The following COP1 variants were observed in gnomAD, a reference collection of about 807,000 sequenced individuals.
The protein encoded by COP1 is COP1 E3 ubiquitin ligase, also known as E3 ubiquitin-protein ligase COP1.
COP1 carries 24 observed loss-of-function variants against 101.3 expected under a neutral mutation model. The ratio of observed to expected loss-of-function variants is 0.24; its 90% confidence interval spans 0.17 to 0.33. COP1 has a LOEUF of 0.33. Among genes scored for constraint, COP1 ranks in the 10% least tolerant of loss-of-function variants. The probability of loss-of-function intolerance (pLI) is 1.00; values close to 1 mark genes in which losing one functional copy is unlikely to be tolerated. For synonymous variants in COP1, 347 were observed against 341.9 expected, an observed-to-expected ratio of 1.01 and a Z score of -0.17; for missense variants, 663 against 906.2, an observed-to-expected ratio of 0.73 and a Z score of 3.45.
chr1:176,186,998 G>C (rs1019444988), intron 1 of COP1, among the ~76,000 whole-genome samples: 1 of 152,154 alleles, frequency 6.6e-6, no homozygotes, highest in Non-Finnish European at 1.5e-5. Context: ...CAGGGGTACA[G>C]TACGTGTCAT....
chr1:176,027,028 C>A (rs1348517460), intron 15 of COP1, among the ~76,000 whole-genome samples: 1 of 151,924 alleles, frequency 6.6e-6, no homozygotes, highest in Non-Finnish European at 1.5e-5. Flanking sequence ...CATATGGTCA[C>A]CCTAGTTAAG....
At chr1:176,056,136 G>C (rs1365427957) in intron 11 of COP1, among the ~76,000 whole-genome samples, 2 of 152,116 alleles carry the variant, frequency 1.3e-5, no homozygotes, top group Admixed American at 1.3e-4. Flanking sequence ...TGTAATAAAT[G>C]TTTGATCTTA....
chr1:176,148,855 G>A (rs1572526126), intron 6 of COP1, 151 bp downstream of exon 6: 1 of 541,884 alleles, frequency 1.8e-6, no homozygotes, highest in Non-Finnish European at 3.2e-6. Context: ...GAGAAAAGAA[G>A]TTAAAATAAC....
rs533971429 is a variant in COP1, at chr1:176,110,950, G to A, written c.1026+5674C>T. Among the ~76,000 whole-genome samples the A allele has an allele frequency of 1.5e-4, 23 of 152,160 alleles. 1 individual carries two copies. The South Asian group carries it at 4.8e-3, about 32-fold the overall frequency. ...ATGCAGATCATGAGATCAAGGGATC[G>A]AGACCATCCTGGCCAACATGGTGAA... is the stretch of plus-strand genomic sequence containing the variant. On this transcript the variant is annotated intron_variant, in intron 9 of 19. Coordinates refer to ENST00000367669, the MANE Select transcript of COP1 (RefSeq NM_022457.7).
At chr1:176,127,460 G>C (rs1688184594) in intron 8 of COP1, among the ~76,000 whole-genome samples, 1 of 151,876 alleles carries the variant, frequency 6.6e-6, no homozygotes, top group Non-Finnish European at 1.5e-5. Context: ...CTGTCTTTCT[G>C]TGCCTGTCTT....
intron 9 of COP1, chr1:176,100,245 C>T: frequency 8.1e-6 from 2 of 245,532 alleles, no homozygotes; most frequent in Non-Finnish European, 1.7e-5. Context: ...CAAAACTTAC[C>T]AGGTGTGGAG....
intron 18 of COP1, among the ~76,000 whole-genome samples, chr1:175,985,298 A>G (rs1051075157): frequency 1.2e-4 from 19 of 152,212 alleles, no homozygotes; most frequent in Middle Eastern, 6.8e-3. Flanking sequence ...CTCTTTTACT[A>G]TGTCTGTTTA....
intron 15 of COP1, among the ~76,000 whole-genome samples, chr1:176,004,784 G>A (rs1268442496): frequency 3.3e-5 from 5 of 150,658 alleles, no homozygotes; most frequent in Non-Finnish European, 7.4e-5. Context: ...TTGCATCAAT[G>A]TTCATCAAGG....
At chr1:176,071,504 T>C (rs1284728740) in intron 11 of COP1, among the ~76,000 whole-genome samples, 1 of 152,126 alleles carries the variant, frequency 6.6e-6, no homozygotes, top group African/African-American at 2.4e-5. Context: ...GCACTTAAAC[T>C]GTTTGACATG....
At chr1:175,984,437 T>G (rs549985980) in intron 18 of COP1, among the ~76,000 whole-genome samples, 2 of 152,308 alleles carry the variant, frequency 1.3e-5, no homozygotes, top group South Asian at 4.1e-4. Flanking sequence ...AGAGGATGTA[T>G]GGAAACGCCT....
At chr1:176,008,662 T>G (rs1664027937) in intron 15 of COP1, among the ~76,000 whole-genome samples, 1 of 152,138 alleles carries the variant, frequency 6.6e-6, no homozygotes, top group Non-Finnish European at 1.5e-5. Context: ...AGCAGACACT[T>G]TGGAAAATAC....
rs775592333 is a variant in COP1, at chr1:176,175,975, T to C, written c.500A>G (p.Asn167Ser). 3.8e-6 allele frequency: 6 copies of C among 1,590,684 alleles called. 1 individual carries two copies. Among genetic ancestry groups the C allele is most frequent in the Non-Finnish European group, 3.4e-6 (4 of 1,160,904 alleles). Residue 167 changes from asparagine to serine, a missense_variant, in exon 3 of 20, where the codon AAT becomes AGT. Coordinates refer to ENST00000367669, the MANE Select transcript of COP1 (RefSeq NM_022457.7). ...ATAGTTACACTTGGGACATCTATTA[T>C]TGTCCTCCAAACTCTGATGAATACA... ...YKCIHQSLEDNNRCPKCNYVV... is the reference protein window; with the variant it reads ...YKCIHQSLEDSNRCPKCNYVV...
At chr1:176,084,690 GA>G (rs139652200) in intron 10 of COP1, among the ~76,000 whole-genome samples, 6,332 of 152,178 alleles carry the variant, frequency 0.042, 152 homozygotes, top group Non-Finnish European at 0.047. Context: ...GTCTTCAGAG[GA>G]AAAATGCTTT....
At chr1:176,109,909 C>T (rs1684982254) in intron 9 of COP1, among the ~76,000 whole-genome samples, 1 of 151,820 alleles carries the variant, frequency 6.6e-6, no homozygotes, top group Non-Finnish European at 1.5e-5. Context: ...CATTTATTTT[C>T]ATTCTTATCT....
Position 176,027,647 on chromosome 1 carries a change from T to C in COP1, c.1654A>G (p.Ile552Val), listed in dbSNP as rs766620891. The change falls in exon 15 of 20, where the codon ATT becomes GTT. Residue 552 changes from isoleucine (I) to valine (V), a missense_variant. By Grantham distance (29) the Ile-to-Val change is conservative. Transcript: ENST00000367669. ...CAGCACACATTAGCCTTTGCCTCAA[T>C]GCTTGCCACTGAGTTGTCTAGATTG... ...STNLDNSVAS[I>V]EAKANVCCVK... The C allele has an allele frequency of 1.2e-6, 2 of 1,613,774 alleles. No homozygotes were observed. The highest frequency in any genetic ancestry group is 1.7e-5 in the Admixed American group (1 of 59,992).
chr1:176,193,931 G>A (rs1699375951), intron 1 of COP1, among the ~76,000 whole-genome samples: 1 of 152,158 alleles, frequency 6.6e-6, no homozygotes, highest in African/African-American at 2.4e-5. Flanking sequence ...GCGTATTTCA[G>A]GGTTGTGAGA....
At chr1:176,001,298 G>C (rs934660238) in intron 15 of COP1, among the ~76,000 whole-genome samples, 1 of 152,062 alleles carries the variant, frequency 6.6e-6, no homozygotes, top group Non-Finnish European at 1.5e-5. Context: ...GAACCTCTAG[G>C]CATCAAGTAT....
chr1:176,156,865 C>T (rs1393129526), intron 5 of COP1, among the ~76,000 whole-genome samples: 1 of 152,044 alleles, frequency 6.6e-6, no homozygotes, highest in Non-Finnish European at 1.5e-5. Context: ...CAGTAACACA[C>T]TCGTCAGCAA....
intron 18 of COP1, among the ~76,000 whole-genome samples, chr1:175,974,811 T>C (rs529207100): frequency 6.7e-6 from 1 of 150,088 alleles, no homozygotes; most frequent in Admixed American, 6.7e-5. Context: ...GGCAGGTGGA[T>C]CACCTGAGGT....
Sources: allele counts gnomAD v4.1 joint callset (sites outside exome capture counted in the v4.1 genomes callset), GRCh38; gene constraint gnomAD v4.1.1; transcripts MANE v1.5; gene names NCBI Gene and HGNC (gene_info 2026-07-23, HGNC 2026-07-21).